Variants in TTC28 observed in about 807,000 individuals in gnomAD.
TTC28 encodes the protein tetratricopeptide repeat protein 28.
A neutral mutation model predicts 198.0 loss-of-function variants in TTC28; 61 were observed. The ratio of observed to expected loss-of-function variants is 0.31; its 90% CI spans 0.25 to 0.38. The LOEUF (loss-of-function observed/expected upper bound fraction) is 0.38, where lower values mean the gene tolerates loss of function less well. TTC28 is among the 10% of genes least tolerant of loss of function. The pLI is 1.00. For missense variants in TTC28, 2,678 were observed against 3,164.0 expected (o/e 0.85, Z 3.69); for synonymous variants, 1,171 against 1,297.8 (o/e 0.90, Z 2.10).
chr22:28,370,604 TATA>T (rs1488809281), intron 2 of TTC28, among the ~76,000 whole-genome samples: 18 of 152,324 alleles, frequency 1.2e-4, no homozygotes, highest in South Asian at 2.1e-4. Flanking sequence ...TGACTACATT[TATA>T]ATAATATATT....
chr22:28,447,761 ATAAT>A (rs1286375864), intron 2 of TTC28, among the ~76,000 whole-genome samples: 3 of 152,242 alleles, frequency 2.0e-5, no homozygotes, highest in Admixed American at 6.5e-5. Flanking sequence ...TTCTGTAGAA[ATAAT>A]TAATCTAAAA....
At chr22:28,269,583 A>G (rs1931915849) in intron 5 of TTC28, among the ~76,000 whole-genome samples, 1 of 152,218 alleles carries the variant, frequency 6.6e-6, no homozygotes, top group African/African-American at 2.4e-5. Context: ...GCATGAAAAA[A>G]TATCAATTTT....
At chr22:28,151,775 T>C (rs139773925) in intron 6 of TTC28, among the ~76,000 whole-genome samples, 1 of 152,342 alleles carries the variant, frequency 6.6e-6, no homozygotes, top group African/African-American at 2.4e-5. Context: ...TCCTTTCTTT[T>C]AGATGTCTAG....
chr22:28,508,884 T>C (rs936965144), intron 2 of TTC28, among the ~76,000 whole-genome samples: 5 of 151,972 alleles, frequency 3.3e-5, no homozygotes, highest in Admixed American at 6.6e-5. Flanking sequence ...GTGGACCTGA[T>C]AGAGATCTAC....
chr22:28,021,981 G>A lies in TTC28; in HGVS notation c.4074-7589C>T, dbSNP rs528183055. Among the ~76,000 whole-genome samples the A allele has an allele frequency of 1.9e-4, 29 of 152,332 alleles. 1 individual carries two copies. The highest frequency in any genetic ancestry group is 5.1e-4 in the African/African-American group (21 of 41,566). On this transcript the variant is annotated intron_variant, in intron 13 of 22. Coordinates refer to ENST00000397906, the MANE Select transcript of TTC28 (RefSeq NM_001145418.2). ...GGGCTGTGATGTGAGTACACCACTC[G>A]CATCCTCTTCCAGCCCTCAGCCCCA...
intron 3 of TTC28, among the ~76,000 whole-genome samples, chr22:28,298,269 T>A (rs550827445): frequency 2.0e-5 from 3 of 152,332 alleles, no homozygotes; most frequent in Admixed American, 6.5e-5. Flanking sequence ...TTAATGGTAT[T>A]GCACAGTTTG....
intron 2 of TTC28, among the ~76,000 whole-genome samples, chr22:28,533,471 T>C (rs991328898): frequency 2.6e-5 from 4 of 152,066 alleles, no homozygotes; most frequent in Non-Finnish European, 5.9e-5. Context: ...ATCATGAAAA[T>C]AGCCATACTG....
chr22:28,164,685 G>T (rs1268591859), intron 5 of TTC28, among the ~76,000 whole-genome samples: 1 of 152,140 alleles, frequency 6.6e-6, no homozygotes, highest in South Asian at 2.1e-4. Context: ...AAACCACAAA[G>T]ATGGGGAAAA....
chr22:28,564,326 A>G (rs1047489812), intron 2 of TTC28, among the ~76,000 whole-genome samples: 3 of 152,196 alleles, frequency 2.0e-5, no homozygotes, highest in African/African-American at 7.2e-5. Context: ...TTAATAAATA[A>G]TATTTTAAAC....
In TTC28 at chr22:28,098,343, C is replaced by A. The variant is rs183411361; in HGVS notation, c.3547+572G>T. Reference sequence around the variant, plus strand: ...ACCACACGCTAGTGGTGAGAGGGAACCTAGGGAGGGAACCTGGTTCAAGCA... The same window carrying A: ...ACCACACGCTAGTGGTGAGAGGGAAACTAGGGAGGGAACCTGGTTCAAGCA... On this transcript the variant is annotated intron_variant, in intron 10 of 22. Transcript: ENST00000397906. Among the ~76,000 whole-genome samples the A allele has an allele frequency of 1.2e-3, 183 of 152,220 alleles. 1 individual carries two copies. Among genetic ancestry groups the A allele is most frequent in the Non-Finnish European group, 2.0e-3 (136 of 67,998 alleles).
chr22:27,992,753 T>C, intron 18 of TTC28, 90 bp from the exon 19 acceptor site: 2 of 1,284,656 alleles, frequency 1.6e-6, no homozygotes, highest in East Asian at 5.1e-5. Context: ...CCCTAAATCC[T>C]TGGCATCGGT....
At chr22:28,572,363 G>A (rs990969846) in intron 2 of TTC28, among the ~76,000 whole-genome samples, 1 of 152,038 alleles carries the variant, frequency 6.6e-6, no homozygotes, top group Non-Finnish European at 1.5e-5. Flanking sequence ...ATTCATGACA[G>A]CATTGTTCGT....
intron 12 of TTC28, among the ~76,000 whole-genome samples, chr22:28,048,852 T>C (rs1425808467): frequency 6.6e-6 from 1 of 152,108 alleles, no homozygotes; most frequent in Non-Finnish European, 1.5e-5. Flanking sequence ...CCCTTCTCCA[T>C]CAACCCTGAC....
intron 2 of TTC28, among the ~76,000 whole-genome samples, chr22:28,456,786 G>A (rs2047866905): frequency 6.6e-6 from 1 of 152,146 alleles, no homozygotes; most frequent in African/African-American, 2.4e-5. Flanking sequence ...ATGTTGGCCA[G>A]GATGGTCTCA....
rs561572265 is a variant in TTC28, at chr22:28,122,016, C to T, written c.1442-13613G>A. On this transcript the variant is annotated intron_variant, in intron 6 of 22. Coordinates refer to ENST00000397906, the MANE Select transcript of TTC28 (RefSeq NM_001145418.2). ...CTGAGTAGCTGGGATTACAGGAGCA[C>T]GCCACCACGCCCAGCTAATTTTTGT... is the stretch of plus-strand genomic sequence containing the variant. 2.3e-3 allele frequency among the ~76,000 whole-genome samples: 343 copies of T among 152,194 alleles called. 1 individual carries two copies. The highest frequency in any genetic ancestry group is 4.1e-3 in the Non-Finnish European group (282 of 68,010).
chr22:28,217,030 TAAACATTTCATGTGATG>T (rs1927461425), intron 5 of TTC28, among the ~76,000 whole-genome samples: 1 of 152,172 alleles, frequency 6.6e-6, no homozygotes, highest in Non-Finnish European at 1.5e-5. Flanking sequence ...TTTTCAATAA[TAAACATTTCATGTGATG>T]AAACGTTTAG....
chr22:28,634,471 C>A lies in TTC28; in HGVS notation c.103-4641G>T, dbSNP rs115741767. On this transcript the variant is annotated intron_variant, in intron 1 of 22. Coordinates refer to ENST00000397906, the MANE Select transcript of TTC28 (RefSeq NM_001145418.2). ...GTTGCAGCGAAAGATCGCCCCACTG[C>A]ACTCCAGCCTGGCGACTAAGCGAGA... Among the ~76,000 whole-genome samples the A allele has an allele frequency of 8.7e-3, 1,256 of 144,116 alleles. 18 individuals carry two copies. The highest frequency in any genetic ancestry group is 0.031 in the African/African-American group (1,198 of 38,364). The allele number at this position is 144,116 out of a possible 152,430, so 94.5% of individuals were successfully genotyped here. A position where few individuals can be genotyped will look rare whatever the true frequency, so the allele number is the denominator to read the frequency against.
chr22:28,396,491 C>G (rs536282728), intron 2 of TTC28, among the ~76,000 whole-genome samples: 1 of 152,290 alleles, frequency 6.6e-6, no homozygotes, highest in Non-Finnish European at 1.5e-5. Context: ...CCTCTGTCCC[C>G]CTCCCCAACC....
At chr22:28,170,189 T>C (rs1172293914) in intron 5 of TTC28, among the ~76,000 whole-genome samples, 1 of 152,058 alleles carries the variant, frequency 6.6e-6, no homozygotes, top group Non-Finnish European at 1.5e-5. Context: ...GGAAAATGTA[T>C]AAGAAAATGG....
Sources: allele counts gnomAD v4.1 joint callset (sites outside exome capture counted in the v4.1 genomes callset), GRCh38; gene constraint gnomAD v4.1.1; transcripts MANE v1.5; gene names NCBI Gene and HGNC (gene_info 2026-07-23, HGNC 2026-07-21).